Variants in SPINK5 observed in about 807,000 individuals in gnomAD.
SPINK5 encodes the protein serine protease inhibitor Kazal-type 5.
SPINK5 carries 125 observed loss-of-function variants against 151.8 expected under a neutral mutation model. The observed-to-expected ratio is 0.82, with a 90% CI of 0.71 to 0.96. The LOEUF (loss-of-function observed/expected upper bound fraction) is 0.96, where lower values mean the gene tolerates loss of function less well. Ranked by LOEUF, SPINK5 falls within the 40% of genes least tolerant of loss-of-function variation. The pLI, the probability that SPINK5 is intolerant of heterozygous loss-of-function variation, is 0.00. For missense variants in SPINK5, 1,194 were observed against 1,291.9 expected, an observed-to-expected ratio of 0.92 and a Z score of 1.16; for synonymous variants, 374 against 395.3, an observed-to-expected ratio of 0.95 and a Z score of 0.64.
intron 25 of SPINK5, 28 bp from the exon 26 acceptor site, chr5:148,120,267 T>A (rs1436906588): frequency 1.2e-6 from 2 of 1,605,304 alleles, no homozygotes; most frequent in Non-Finnish European, 1.7e-6. Context: ...TTCACTTTGA[T>A]TGAAATGTTT....
At chr5:148,103,894 A>G (rs1159418958) in intron 15 of SPINK5, among the ~76,000 whole-genome samples, 3 of 152,172 alleles carry the variant, frequency 2.0e-5, no homozygotes, top group Non-Finnish European at 4.4e-5. Flanking sequence ...TTTTTTCTAC[A>G]TTTTGAACTA....
chr5:148,099,058 A>ATC (rs1485833867), intron 11 of SPINK5, among the ~76,000 whole-genome samples, 176 bp from the exon 12 acceptor site: 1 of 151,238 alleles, frequency 6.6e-6, no homozygotes, highest in Non-Finnish European at 1.5e-5. Flanking sequence ...TTATGAAGAA[A>ATC]TCATAGCACC....
chr5:148,094,630 T>A, intron 9 of SPINK5, 149 bp downstream of exon 9: 1 of 1,254,530 alleles, frequency 8.0e-7, no homozygotes, highest in Non-Finnish European at 1.1e-6. Flanking sequence ...TAATGCCACC[T>A]AGTGAGCAGG....
chr5:148,094,101 C>T (rs1309337704), intron 8 of SPINK5, among the ~76,000 whole-genome samples: 2 of 151,846 alleles, frequency 1.3e-5, no homozygotes, highest in Non-Finnish European at 2.9e-5. Flanking sequence ...TCAAGACCAG[C>T]CCGGGCAACA....
rs1241282401 is a variant in SPINK5 at position 148,137,380 on chromosome 5, A to G, written c.*389A>G. On this transcript the variant is annotated 3_prime_UTR_variant, in exon 33 of 33. Transcript: ENST00000256084. ...TACCCTTTTGTCTTTTTGTGTTGCT[A>G]AACCCATTGGTGGACAGAGAATGTT... is the stretch of plus-strand genomic sequence containing the variant. The G allele has an allele frequency of 3.9e-6, 1 of 258,316 alleles. No homozygotes were observed. Among genetic ancestry groups the G allele is most frequent in the Non-Finnish European group, 7.5e-6 (1 of 133,648 alleles). 16.0% of individuals were successfully genotyped at this position (258,316 alleles called of 1,614,324 possible).
intron 20 of SPINK5, 98 bp downstream of exon 20, chr5:148,113,032 GAACTAGGGGTTCA>G: frequency 6.5e-7 from 1 of 1,550,158 alleles, no homozygotes. Flanking sequence ...AGTTGTGAGG[GAACTAGGGGTTCA>G]TTTAGTCCAG....
chr5:148,095,953 G>A (rs768937991), intron 10 of SPINK5, 48 bp downstream of exon 10: 8 of 1,424,946 alleles, frequency 5.6e-6, no homozygotes, highest in Admixed American at 1.7e-5. Flanking sequence ...TGTGTGTGGG[G>A]GGGTGCGTGT....
At chr5:148,101,513 T>C in intron 14 of SPINK5, 77 bp downstream of exon 14, 1 of 1,227,230 alleles carries the variant, frequency 8.1e-7, no homozygotes, top group South Asian at 1.2e-5. Context: ...AACACGTGCA[T>C]TCCTTAAAAC....
chr5:148,068,548 C>T (rs555819747), intron 2 of SPINK5, among the ~76,000 whole-genome samples: 6 of 115,154 alleles, frequency 5.2e-5, no homozygotes, highest in African/African-American at 2.2e-4. Context: ...TGAGACCCTG[C>T]CTCTCCAAAA....
chr5:148,073,440 A>G (rs1752792903), intron 4 of SPINK5, among the ~76,000 whole-genome samples: 1 of 151,866 alleles, frequency 6.6e-6, no homozygotes, highest in Admixed American at 6.6e-5. Flanking sequence ...TCTGTAGCAA[A>G]AGAGAGCTAC....
chr5:148,065,359 A>C lies in SPINK5; in HGVS notation c.68A>C (p.Lys23Thr), dbSNP rs566891063. 1 of 1,613,580 alleles carries C rather than the reference A, an allele frequency of 6.2e-7. No individual in the cohort carries two copies. Among genetic ancestry groups the C allele is most frequent in the East Asian group, 2.2e-5 (1 of 44,832 alleles). Residue 23 changes from lysine to threonine, a missense_variant, in exon 2 of 33, where the codon AAG (lysine) becomes ACG (threonine). By Grantham distance (78) the Lys-to-Thr change is moderately conservative. Coordinates refer to ENST00000256084, the MANE Select transcript of SPINK5 (RefSeq NM_006846.4). Reference sequence around the variant, plus strand: ...ATTTTCATCCCAGATGCTGCCAGTAAGAATGAAGATCAGGTTAGTCCTGCT... The same window carrying C: ...ATTTTCATCCCAGATGCTGCCAGTACGAATGAAGATCAGGTTAGTCCTGCT... ...ALCLIQDAAS[K>T]NEDQEMCHEF...
chr5:148,116,357 T>G lies in SPINK5; in HGVS notation c.2016-13T>G. On this transcript the variant is annotated splice_polypyrimidine_tract_variant and intron_variant, in intron 21 of 32. Coordinates refer to ENST00000256084, the MANE Select transcript of SPINK5 (RefSeq NM_006846.4). ...AATCTATTGTTCCCTACCTCCCACT[T>G]TCTAATTTCCAGCCAGAAAGAAAAT... 1 of 1,613,806 alleles carries G rather than the reference T, an allele frequency of 6.2e-7. No homozygotes were observed. The highest frequency in any genetic ancestry group is 8.5e-7 in the Non-Finnish European group (1 of 1,179,774).
intron 19 of SPINK5, among the ~76,000 whole-genome samples, chr5:148,112,548 A>G (rs112721496): frequency 0.15 from 23,186 of 151,848 alleles, 2,420 homozygotes; most frequent in East Asian, 0.32. Context: ...TGGTGCACGC[A>G]TGTAGTCCCA....
Position 148,120,121 on chromosome 5 carries a change from T to A in SPINK5, c.2426T>A (p.Met809Lys), listed in dbSNP as rs375381713. 6 of 1,613,980 alleles carry A rather than the reference T, an allele frequency of 3.7e-6. No homozygotes were observed. In the African/African-American group the frequency reaches 8.0e-5, roughly 22 times the overall value. Residue 809 changes from methionine (M) to lysine (K), a missense_variant, in exon 25 of 33, where the codon ATG (methionine) becomes AAG (lysine). Transcript: ENST00000256084. ...AAGACACATGGCAATAAGTGTACTA[T>A]GTGTAAGGAAAAACTGTGAGTATGT... The part of the protein sequence containing the change: ...DGKTHGNKCT[M>K]CKEKLEREAA...
chr5:148,087,261 T>A (rs1342753251), intron 5 of SPINK5, among the ~76,000 whole-genome samples: 1 of 151,878 alleles, frequency 6.6e-6, no homozygotes, highest in Non-Finnish European at 1.5e-5. Flanking sequence ...CAATGCTAGA[T>A]TTGGTTATCA....
chr5:148,070,562 A>C (rs1163333339), intron 3 of SPINK5, 112 bp downstream of exon 3: 1 of 1,390,398 alleles, frequency 7.2e-7, no homozygotes, highest in Admixed American at 1.8e-5. Flanking sequence ...GAAATGGTTA[A>C]ATAAAAGTGC....
Position 148,119,992 on chromosome 5 carries a change from T to C in SPINK5, c.2314-17T>C, listed in dbSNP as rs1738628504. The C allele has an allele frequency of 6.2e-7, 1 of 1,613,292 alleles. No homozygotes were observed. ...TGTAAAAACAGCACTTCCAATATAA[T>C]CTTCCCATCTTTTCAGGATACATGT... On this transcript the variant is annotated splice_polypyrimidine_tract_variant and intron_variant, in intron 24 of 32. Coordinates refer to ENST00000256084, the MANE Select transcript of SPINK5 (RefSeq NM_006846.4).
chr5:148,105,322 T>C (rs1266252679), intron 16 of SPINK5, among the ~76,000 whole-genome samples: 1 of 152,014 alleles, frequency 6.6e-6, no homozygotes, highest in Non-Finnish European at 1.5e-5. Flanking sequence ...TCAATTTACA[T>C]TATTCATATC....
chr5:148,111,527 T>G (rs1296932111), intron 18 of SPINK5, among the ~76,000 whole-genome samples: 1 of 152,196 alleles, frequency 6.6e-6, no homozygotes, highest in Non-Finnish European at 1.5e-5. Context: ...CTCTGTATCT[T>G]TCACAGTGCC....
Sources: gnomAD v4.1 joint callset for allele counts (sites outside exome capture counted in the v4.1 genomes callset) on GRCh38, gnomAD v4.1.1 for gene constraint, MANE v1.5 for transcripts, NCBI Gene and HGNC (gene_info 2026-07-23, HGNC 2026-07-21) for gene names.